DIS3L2: variants seen among roughly 807,000 people sequenced by gnomAD.
The protein encoded by DIS3L2 is DIS3 like 3'-5' exoribonuclease 2.
A neutral mutation model predicts 97.5 loss-of-function variants in DIS3L2; 34 were observed. The ratio of observed to expected loss-of-function variants is 0.35; its 90% CI spans 0.27 to 0.46. The LOEUF (loss-of-function observed/expected upper bound fraction) is 0.46, where lower values mean the gene tolerates loss of function less well. DIS3L2 is among the 20% of genes least tolerant of loss of function. The pLI is 1.00. For missense variants in DIS3L2, 1,038 were observed against 1,146.0 expected (o/e 0.91, Z 1.36); for synonymous variants, 435 against 445.2 (o/e 0.98, Z 0.29).
At chr2:232,109,248 C>G (rs974909306) in intron 6 of DIS3L2, among the ~76,000 whole-genome samples, 10 of 152,034 alleles carry the variant, frequency 6.6e-5, no homozygotes, top group African/African-American at 2.4e-4. Flanking sequence ...GATTTTGAGA[C>G]CAGCCTGGCC....
chr2:232,255,043 G>A (rs1182373002), intron 12 of DIS3L2, among the ~76,000 whole-genome samples: 2 of 152,216 alleles, frequency 1.3e-5, no homozygotes, highest in Non-Finnish European at 2.9e-5. Context: ...CATGAAATGA[G>A]AGGTCAGATT....
downstream of DIS3L2, among the ~76,000 whole-genome samples, chr2:232,338,984 C>CA (rs1696051523): frequency 6.6e-6 from 1 of 152,266 alleles, no homozygotes; most frequent in Non-Finnish European, 1.5e-5. Flanking sequence ...CCACCAACCT[C>CA]ATTCCATGAC....
chr2:232,155,870 G>A (rs1690480314), intron 8 of DIS3L2, among the ~76,000 whole-genome samples: 1 of 151,544 alleles, frequency 6.6e-6, no homozygotes, highest in Non-Finnish European at 1.5e-5. Flanking sequence ...GGTGCCTGTA[G>A]TCCCAGCTAC....
intron 8 of DIS3L2, among the ~76,000 whole-genome samples, chr2:232,142,124 G>A (rs1690066477): frequency 1.3e-5 from 2 of 152,060 alleles, no homozygotes; most frequent in Non-Finnish European, 2.9e-5. Context: ...ATAATGCTAT[G>A]GACTCGCATT....
intron 14 of DIS3L2, among the ~76,000 whole-genome samples, chr2:232,326,502 T>C (rs1277276588): frequency 6.6e-6 from 1 of 152,114 alleles, no homozygotes; most frequent in African/African-American, 2.4e-5. Context: ...CTTCATTCAC[T>C]CCTACTCATA....
intron 5 of DIS3L2, among the ~76,000 whole-genome samples, chr2:232,047,040 A>T (rs1695262378): frequency 6.6e-6 from 1 of 152,104 alleles, no homozygotes; most frequent in East Asian, 1.9e-4. Flanking sequence ...CTGGAAGGGG[A>T]TTACCTGTTA....
intron 6 of DIS3L2, among the ~76,000 whole-genome samples, chr2:232,116,405 T>C (rs1381491581): frequency 6.6e-6 from 1 of 152,160 alleles, no homozygotes; most frequent in Non-Finnish European, 1.5e-5. Flanking sequence ...GGTTTATGTA[T>C]TTTTTCCTTT....
At chr2:232,111,509 T>C (rs1460689942) in intron 6 of DIS3L2, among the ~76,000 whole-genome samples, 4 of 152,330 alleles carry the variant, frequency 2.6e-5, no homozygotes, top group South Asian at 2.1e-4. Flanking sequence ...TTAGTATACT[T>C]CATTGCCTGC....
At chr2:231,962,551 C>T (rs2106208908) in intron 1 of DIS3L2, among the ~76,000 whole-genome samples, 1 of 151,780 alleles carries the variant, frequency 6.6e-6, no homozygotes, top group East Asian at 1.9e-4. Context: ...TCTTCTGCCT[C>T]AGCCTCCCGA....
intron 13 of DIS3L2, among the ~76,000 whole-genome samples, chr2:232,266,370 T>G (rs1693858449): frequency 6.6e-6 from 1 of 152,216 alleles, no homozygotes; most frequent in South Asian, 2.1e-4. Context: ...TGCAAGAAAT[T>G]CAAATTGCCC....
intron 10 of DIS3L2, among the ~76,000 whole-genome samples, chr2:232,220,001 G>T (rs1692446919): frequency 1.3e-5 from 2 of 152,084 alleles, no homozygotes; most frequent in Non-Finnish European, 2.9e-5. Flanking sequence ...GCTAGCTGCA[G>T]TGGCTTACAC....
At chr2:232,169,036 A>G (rs991117516) in intron 9 of DIS3L2, among the ~76,000 whole-genome samples, 3 of 152,152 alleles carry the variant, frequency 2.0e-5, no homozygotes, top group Non-Finnish European at 2.9e-5. Context: ...AAGAACATGA[A>G]TGAAACTATT....
intron 6 of DIS3L2, among the ~76,000 whole-genome samples, chr2:232,098,056 A>T (rs1234687418): frequency 1.3e-5 from 2 of 152,122 alleles, no homozygotes; most frequent in African/African-American, 4.8e-5. Context: ...TCAGTGGAAA[A>T]GTTTTCTTCC....
intron 10 of DIS3L2, among the ~76,000 whole-genome samples, chr2:232,232,520 G>A (rs1692822680): frequency 6.6e-6 from 1 of 152,198 alleles, no homozygotes; most frequent in African/African-American, 2.4e-5. Flanking sequence ...GGTAGAGTCA[G>A]AATGATTGAT....
At chr2:232,011,541 C>T (rs1327994817) in intron 1 of DIS3L2, among the ~76,000 whole-genome samples, 1 of 151,954 alleles carries the variant, frequency 6.6e-6, no homozygotes, top group African/African-American at 2.4e-5. Flanking sequence ...TTAGTAGAGA[C>T]AGGGTTTCTC....
intron 14 of DIS3L2, among the ~76,000 whole-genome samples, chr2:232,319,581 G>A (rs1285625372): frequency 6.6e-6 from 1 of 152,192 alleles, no homozygotes; most frequent in Non-Finnish European, 1.5e-5. Flanking sequence ...GGGTGCTACA[G>A]CCTCTACCAG....
At chr2:232,200,515 A>C (rs903205090) in intron 9 of DIS3L2, among the ~76,000 whole-genome samples, 1 of 152,136 alleles carries the variant, frequency 6.6e-6, no homozygotes, top group Non-Finnish European at 1.5e-5. Context: ...CCACCAGCCT[A>C]ATTTGGGAAA....
At chr2:232,054,499 C>T (rs1303763755) in intron 5 of DIS3L2, among the ~76,000 whole-genome samples, 1 of 152,108 alleles carries the variant, frequency 6.6e-6, no homozygotes, top group African/African-American at 2.4e-5. Flanking sequence ...TTTCTTTTAG[C>T]AGAGACCTCT....
At chr2:232,078,707 A>G (rs372719797) in intron 5 of DIS3L2, among the ~76,000 whole-genome samples, 1 of 152,232 alleles carries the variant, frequency 6.6e-6, no homozygotes, top group Non-Finnish European at 1.5e-5. Flanking sequence ...AGAATACACA[A>G]AAATGTGTAG....
Sources: allele counts gnomAD v4.1 joint callset (sites outside exome capture counted in the v4.1 genomes callset), GRCh38; gene constraint gnomAD v4.1.1; transcripts MANE v1.5; gene names NCBI Gene and HGNC (gene_info 2026-07-23, HGNC 2026-07-21).